ATP8A2: variants seen among roughly 807,000 people sequenced by gnomAD.
ATP8A2 encodes the protein ATPase phospholipid transporting 8A2, also known as phospholipid-transporting ATPase IB.
In ATP8A2, 100 loss-of-function variants were observed where a neutral mutation model predicts 165.6. The observed-to-expected ratio is 0.60, with a 90% CI of 0.51 to 0.71. The LOEUF (loss-of-function observed/expected upper bound fraction) is 0.71, where lower values mean the gene tolerates loss of function less well. Ranked by LOEUF, ATP8A2 falls within the 30% of genes least tolerant of loss-of-function variation. ATP8A2 has a pLI of 0.00. For synonymous variants in ATP8A2, 543 were observed against 548.8 expected, an observed-to-expected ratio of 0.99 and a Z score of 0.15; for missense variants, 1,227 against 1,479.5, an observed-to-expected ratio of 0.83 and a Z score of 2.80.
chr13:25,531,237 T>TATATATG (rs1566229028), intron 4 of ATP8A2, among the ~76,000 whole-genome samples: 2 of 53,318 alleles, frequency 3.8e-5, no homozygotes, highest in Non-Finnish European at 6.6e-5. Flanking sequence ...TTATATATGA[T>TATATATG]ATATATGTTA....
chr13:25,979,060 T>A (rs1375075419), intron 35 of ATP8A2, among the ~76,000 whole-genome samples: 1 of 150,252 alleles, frequency 6.7e-6, no homozygotes, highest in Non-Finnish European at 1.5e-5. Context: ...GTCACTAGAC[T>A]AGTGACTAGT....
chr13:25,396,021 T>C (rs970585185), intron 1 of ATP8A2, among the ~76,000 whole-genome samples: 2 of 152,130 alleles, frequency 1.3e-5, no homozygotes, highest in African/African-American at 4.8e-5. Flanking sequence ...TTTTTTTATT[T>C]TTAGTAAAGA....
At position 26,022,086 on chromosome 13, in the gene ATP8A2, CAG is replaced by C. The variant is rs1957089551; in HGVS notation, c.*2104_*2105del. Reference sequence around the variant, plus strand: ...AGGTGCATAGAACATTTTTAAATATCAGAGTACCCAGCAAGACGGAAGGACTG... The same window carrying C: ...AGGTGCATAGAACATTTTTAAATATCAGTACCCAGCAAGACGGAAGGACTG... On this transcript the variant is annotated 3_prime_UTR_variant, in exon 37 of 37. Coordinates refer to ENST00000381655, the MANE Select transcript of ATP8A2 (RefSeq NM_016529.6). 6.6e-6 allele frequency: 1 copy of C among 152,144 alleles called. No individual in the cohort carries two copies. Among genetic ancestry groups the C allele is most frequent in the African/African-American group, 2.4e-5 (1 of 41,432 alleles). 9.4% of individuals were successfully genotyped at this position (152,144 alleles called of 1,614,324 possible).
At chr13:25,392,187 T>G (rs576331666) in intron 1 of ATP8A2, among the ~76,000 whole-genome samples, 1 of 152,360 alleles carries the variant, frequency 6.6e-6, no homozygotes, top group East Asian at 1.9e-4. Context: ...GTTTCTTTGG[T>G]GCATACTGCA....
chr13:25,674,811 G>A (rs1457875248), intron 24 of ATP8A2, among the ~76,000 whole-genome samples: 2 of 152,184 alleles, frequency 1.3e-5, no homozygotes, highest in Non-Finnish European at 2.9e-5. Flanking sequence ...AGGACAGAAT[G>A]GGAGTGGTAT....
chr13:25,762,811 G>A (rs1021101348), intron 25 of ATP8A2, among the ~76,000 whole-genome samples: 1 of 152,068 alleles, frequency 6.6e-6, no homozygotes, highest in African/African-American at 2.4e-5. Context: ...CCCCCATGAT[G>A]GATATAACCA....
chr13:25,386,249 G>A (rs893159551), intron 1 of ATP8A2, among the ~76,000 whole-genome samples: 2 of 152,126 alleles, frequency 1.3e-5, no homozygotes, highest in African/African-American at 2.4e-5. Flanking sequence ...ATAAAAGTCT[G>A]CTCACATCGG....
chr13:25,495,624 CTT>C (rs11369713), intron 2 of ATP8A2, among the ~76,000 whole-genome samples: 30,461 of 88,220 alleles, frequency 0.35, 5,118 homozygotes, highest in Middle Eastern at 0.44. Context: ...GCATGCCTTG[CTT>C]TTTTTTTTTT....
At chr13:25,929,575 G>C (rs1954706368) in intron 33 of ATP8A2, among the ~76,000 whole-genome samples, 1 of 152,156 alleles carries the variant, frequency 6.6e-6, no homozygotes. Context: ...AACCTTGCCA[G>C]CGGCCGGGCT....
intron 1 of ATP8A2, among the ~76,000 whole-genome samples, chr13:25,417,090 ATGAAGTAT>A (rs1335995033): frequency 1.3e-5 from 2 of 152,176 alleles, no homozygotes; most frequent in Non-Finnish European, 2.9e-5. Context: ...AACTTTAATT[ATGAAGTAT>A]TGAGGTATTG....
intron 12 of ATP8A2, among the ~76,000 whole-genome samples, chr13:25,554,267 A>C (rs544391176): frequency 1.3e-5 from 2 of 152,302 alleles, no homozygotes; most frequent in Admixed American, 1.3e-4. Flanking sequence ...GGTCACTCGC[A>C]TATCAAAATT....
At chr13:25,658,018 A>G (rs1394886682) in intron 24 of ATP8A2, among the ~76,000 whole-genome samples, 1 of 152,198 alleles carries the variant, frequency 6.6e-6, no homozygotes, top group Non-Finnish European at 1.5e-5. Context: ...AGTTTTACAG[A>G]TTGGAGTAGT....
intron 24 of ATP8A2, among the ~76,000 whole-genome samples, chr13:25,593,383 G>T (rs2040145578): frequency 6.6e-6 from 1 of 152,140 alleles, no homozygotes; most frequent in Non-Finnish European, 1.5e-5. Flanking sequence ...GACTCCAAAT[G>T]CTGTAAACAA....
At chr13:25,513,320 G>C (rs2037334603) in intron 2 of ATP8A2, among the ~76,000 whole-genome samples, 1 of 151,944 alleles carries the variant, frequency 6.6e-6, no homozygotes, top group Non-Finnish European at 1.5e-5. Context: ...ATCCCAGACG[G>C]GGCGGTGGGG....
chr13:25,802,957 GT>G lies in ATP8A2; in HGVS notation c.2680-25148del, dbSNP rs80079935. ...ATGCTTTGGAAAGACTCAAAGGTGA[GT>G]TTTTTTTTTTTTAAGCTAATTAGAT... On this transcript the variant is annotated intron_variant, in intron 27 of 36. Coordinates refer to ENST00000381655, the MANE Select transcript of ATP8A2 (RefSeq NM_016529.6). 5.4e-3 allele frequency among the ~76,000 whole-genome samples: 732 copies of G among 136,130 alleles called. 3 individuals carry two copies. Among genetic ancestry groups the G allele is most frequent in the Middle Eastern group, 0.02 (5 of 256 alleles). The allele number at this position is 136,130 out of a possible 152,430, so 89.3% of individuals were successfully genotyped here.
chr13:25,602,620 G>A (rs999430680), intron 24 of ATP8A2, among the ~76,000 whole-genome samples: 3 of 152,214 alleles, frequency 2.0e-5, no homozygotes, highest in African/African-American at 7.2e-5. Flanking sequence ...GCTCCCCACT[G>A]CATTTGAGCA....
chr13:25,698,378 C>T (rs1204780351), intron 24 of ATP8A2, among the ~76,000 whole-genome samples: 6 of 151,996 alleles, frequency 3.9e-5, no homozygotes, highest in Admixed American at 1.3e-4. Context: ...GCAGCAGACA[C>T]ACACCACCAT....
intron 35 of ATP8A2, among the ~76,000 whole-genome samples, chr13:25,992,840 T>TC (rs1956423171): frequency 6.6e-6 from 1 of 150,702 alleles, no homozygotes; most frequent in African/African-American, 2.4e-5. Context: ...CCTCCCCCCT[T>TC]CCCCCACCCC....
chr13:25,634,563 T>G (rs1375581696), intron 24 of ATP8A2, among the ~76,000 whole-genome samples: 2 of 152,194 alleles, frequency 1.3e-5, no homozygotes, highest in African/African-American at 2.4e-5. Flanking sequence ...TTACATGATC[T>G]CTTAAGGCCC....
Sources: gnomAD v4.1 joint callset for allele counts (sites outside exome capture counted in the v4.1 genomes callset) on GRCh38, gnomAD v4.1.1 for gene constraint, MANE v1.5 for transcripts, NCBI Gene and HGNC (gene_info 2026-07-23, HGNC 2026-07-21) for gene names.